The following PCDH7 variants were observed in gnomAD, a reference collection of about 807,000 sequenced individuals.
PCDH7 encodes protocadherin-7.
PCDH7 carries 17 observed loss-of-function variants against 58.9 expected under a neutral mutation model. The observed-to-expected ratio is 0.29, with a 90% CI of 0.20 to 0.43. PCDH7 has a LOEUF of 0.43. Among genes scored for constraint, PCDH7 ranks in the 20% least tolerant of loss-of-function variants. The probability of loss-of-function intolerance (pLI) is 1.00; values close to 1 mark genes in which losing one functional copy is unlikely to be tolerated. For missense variants in PCDH7, 1,274 were observed against 1,441.0 expected, an observed-to-expected ratio of 0.88 and a Z score of 1.88; for synonymous variants, 664 against 616.4, an observed-to-expected ratio of 1.08 and a Z score of -1.14.
chr4:31,073,636 T>C (rs914386767), intron 3 of PCDH7, among the ~76,000 whole-genome samples: 6 of 152,178 alleles, frequency 3.9e-5, no homozygotes, highest in Non-Finnish European at 7.3e-5. Context: ...TCATATATAA[T>C]AGTAGTTCCT....
chr4:30,742,515 T>C (rs990483271), intron 1 of PCDH7, among the ~76,000 whole-genome samples: 1 of 152,210 alleles, frequency 6.6e-6, no homozygotes, highest in Non-Finnish European at 1.5e-5. Flanking sequence ...GCTATATGCA[T>C]TTCTCTTTAG....
chr4:30,724,033 T>C, exon 1 of PCDH7: 1 of 1,614,078 alleles, frequency 6.2e-7, no homozygotes, highest in Non-Finnish European at 8.5e-7. Context: ...TGACCCAAGC[T>C]ATGAAATTAG....
At chr4:31,018,517 T>G (rs1753788423) in intron 3 of PCDH7, among the ~76,000 whole-genome samples, 1 of 152,194 alleles carries the variant, frequency 6.6e-6, no homozygotes, top group Non-Finnish European at 1.5e-5. Context: ...CTTTCCTTGG[T>G]TTGATCATTT....
At chr4:31,105,177 T>C (rs1715394575) in intron 3 of PCDH7, among the ~76,000 whole-genome samples, 1 of 152,212 alleles carries the variant, frequency 6.6e-6, no homozygotes, top group Admixed American at 6.5e-5. Context: ...TTGTCATACT[T>C]CATTTACTTC....
At chr4:31,109,835 A>G (rs920461768) in intron 3 of PCDH7, among the ~76,000 whole-genome samples, 1 of 152,214 alleles carries the variant, frequency 6.6e-6, no homozygotes, top group Non-Finnish European at 1.5e-5. Flanking sequence ...GATGCTGATA[A>G]TCTAAGCAAT....
chr4:30,960,755 A>G (rs1378030979), intron 3 of PCDH7, among the ~76,000 whole-genome samples: 4 of 152,180 alleles, frequency 2.6e-5, no homozygotes, highest in African/African-American at 9.7e-5. Context: ...GGCCTTTTCC[A>G]TTTCTCATGA....
intron 3 of PCDH7, among the ~76,000 whole-genome samples, chr4:31,126,862 T>C (rs1482895440): frequency 6.6e-6 from 1 of 152,218 alleles, no homozygotes; most frequent in Non-Finnish European, 1.5e-5. Context: ...TATTTGTTTC[T>C]GATAGGATTG....
intron 1 of PCDH7, among the ~76,000 whole-genome samples, chr4:30,738,039 C>T (rs1009081519): frequency 7.9e-5 from 12 of 152,252 alleles, no homozygotes; most frequent in South Asian, 6.2e-4. Context: ...GGTGACTCTT[C>T]CTCTGTGCCT....
intron 3 of PCDH7, among the ~76,000 whole-genome samples, chr4:31,089,366 C>T (rs967017507): frequency 1.3e-5 from 2 of 151,952 alleles, no homozygotes; most frequent in Non-Finnish European, 2.9e-5. Flanking sequence ...GCTATTTTAA[C>T]AGTTTAAGGA....
chr4:30,813,999 T>C (rs1391018756), intron 1 of PCDH7, among the ~76,000 whole-genome samples: 2 of 152,214 alleles, frequency 1.3e-5, no homozygotes, highest in African/African-American at 4.8e-5. Context: ...CCTAGTTTTA[T>C]CTGTGACCGA....
chr4:30,915,440 A>G (rs148171608), intron 1 of PCDH7, among the ~76,000 whole-genome samples: 27 of 152,242 alleles, frequency 1.8e-4, no homozygotes, highest in African/African-American at 6.5e-4. Context: ...TTTTGATCAC[A>G]TAGGATTGCC....
intron 1 of PCDH7, among the ~76,000 whole-genome samples, chr4:30,843,196 C>T (rs1407205861): frequency 1.3e-5 from 2 of 151,046 alleles, no homozygotes; most frequent in Non-Finnish European, 2.9e-5. Context: ...GAATATAGAA[C>T]TTTATTATTT....
intron 1 of PCDH7, among the ~76,000 whole-genome samples, chr4:30,801,046 G>A (rs1001771290): frequency 6.6e-6 from 1 of 152,182 alleles, no homozygotes; most frequent in African/African-American, 2.4e-5. Context: ...GTCTGATGAA[G>A]TCTGCTTATG....
chr4:30,727,596 A>G (rs139398396), intron 1 of PCDH7, among the ~76,000 whole-genome samples: 2 of 152,076 alleles, frequency 1.3e-5, no homozygotes, highest in East Asian at 3.9e-4. Flanking sequence ...GCTGAGCAAA[A>G]TGTGGATCAT....
At chr4:31,010,970 G>A (rs1262523158) in intron 3 of PCDH7, among the ~76,000 whole-genome samples, 1 of 151,806 alleles carries the variant, frequency 6.6e-6, no homozygotes, top group Non-Finnish European at 1.5e-5. Flanking sequence ...TCTTTCCCCC[G>A]ATAAATCTGT....
chr4:30,930,351 T>G (rs1418996808), intron 2 of PCDH7, among the ~76,000 whole-genome samples: 1 of 152,246 alleles, frequency 6.6e-6, no homozygotes, highest in Non-Finnish European at 1.5e-5. Flanking sequence ...CACATTTTCC[T>G]TGGAATGATT....
intron 3 of PCDH7, among the ~76,000 whole-genome samples, chr4:30,986,855 C>A (rs746116312): frequency 3.2e-4 from 48 of 151,770 alleles, no homozygotes; most frequent in Non-Finnish European, 6.2e-4. Flanking sequence ...GTGGTGGGCG[C>A]CTGTAGTCCC....
intron 3 of PCDH7, among the ~76,000 whole-genome samples, chr4:31,024,812 A>G (rs2109175384): frequency 6.6e-6 from 1 of 152,074 alleles, no homozygotes; most frequent in South Asian, 2.1e-4. Flanking sequence ...TGCGATCTCC[A>G]CTCGCTGCAA....
intron 1 of PCDH7, among the ~76,000 whole-genome samples, chr4:30,880,446 T>C (rs1337252348): frequency 6.6e-6 from 1 of 152,154 alleles, no homozygotes; most frequent in Non-Finnish European, 1.5e-5. Flanking sequence ...CACAGAGGTA[T>C]CATAGTTGTG....
Sources: gnomAD v4.1 joint callset for allele counts (sites outside exome capture counted in the v4.1 genomes callset) on GRCh38, gnomAD v4.1.1 for gene constraint, MANE v1.5 for transcripts, NCBI Gene and HGNC (gene_info 2026-07-23, HGNC 2026-07-21) for gene names.